The following ITSN2 variants were observed in gnomAD, a reference collection of about 807,000 sequenced individuals.
ITSN2 encodes intersectin 2, also known as intersectin-2.
In ITSN2, 156 loss-of-function variants were observed where a neutral mutation model predicts 243.7. The observed-to-expected ratio is 0.64, with a 90% CI of 0.56 to 0.73. The LOEUF is 0.73. Among genes scored for constraint, ITSN2 ranks in the 30% least tolerant of loss-of-function variants. ITSN2 has a pLI of 0.00. For synonymous variants in ITSN2, 703 were observed against 699.9 expected, an observed-to-expected ratio of 1.00 and a Z score of -0.07; for missense variants, 1,801 against 1,996.1, an observed-to-expected ratio of 0.90 and a Z score of 1.86.
At chr2:24,259,798 C>T (rs191189617) in intron 22 of ITSN2, among the ~76,000 whole-genome samples, 2 of 152,184 alleles carry the variant, frequency 1.3e-5, no homozygotes, top group Non-Finnish European at 2.9e-5. Context: ...GTAAGATGAT[C>T]TCTTCTATAT....
chr2:24,311,482 A>T (rs577292425), intron 5 of ITSN2: 5 of 166,600 alleles, frequency 3.0e-5, no homozygotes, highest in Non-Finnish European at 7.3e-5. Context: ...TCCTGGACTC[A>T]AGCAATCCTA....
chr2:24,340,024 A>T (rs1161951802), intron 1 of ITSN2, among the ~76,000 whole-genome samples: 1 of 152,120 alleles, frequency 6.6e-6, no homozygotes. Flanking sequence ...TAACAAAGTG[A>T]GACAGTGTCT....
intron 2 of ITSN2, among the ~76,000 whole-genome samples, chr2:24,322,791 C>T (rs567909921): frequency 6.6e-6 from 1 of 152,154 alleles, no homozygotes; most frequent in Admixed American, 6.5e-5. Context: ...AGACAAACTA[C>T]AGGCTGAGAG....
chr2:24,209,137 G>A lies in ITSN2; in HGVS notation c.4558C>T (p.Arg1520Trp), dbSNP rs370151156. The change falls in exon 36 of 40, where the codon CGG becomes TGG. Residue 1520 changes from arginine (R) to tryptophan (W), a missense_variant. Around this residue, in one of 5 missense-constraint regions of ITSN2, gnomAD observed 928 missense variants for 1,065.4 expected, o/e 0.87. Coordinates refer to ENST00000355123, the MANE Select transcript of ITSN2 (RefSeq NM_006277.3). ...EPVFHISHID[R>W]VYTLRTDNIN... ...TTGTCTGTTCGGAGGGTGTAGACCC[G>A]ATCAATGTGGGAAATGTGGAAGACA... is the stretch of plus-strand genomic sequence containing the variant. The A allele has an allele frequency of 6.6e-5, 107 of 1,613,914 alleles. No homozygotes were observed. The highest frequency in any genetic ancestry group is 8.0e-5 in the African/African-American group (6 of 74,902).
intron 20 of ITSN2, among the ~76,000 whole-genome samples, chr2:24,266,537 G>A (rs369318753): frequency 6.6e-6 from 1 of 152,150 alleles, no homozygotes. Flanking sequence ...TGATGTCACA[G>A]TAATGTAGCT....
In ITSN2 at chr2:24,257,930, G is replaced by T. The variant is rs1208215410; in HGVS notation, c.2846C>A (p.Ser949Tyr). The T allele has an allele frequency of 6.2e-7, 1 of 1,613,980 alleles. No homozygotes were observed. The highest frequency in any genetic ancestry group is 1.1e-5 in the South Asian group (1 of 91,068). The change falls in exon 23 of 40, where the codon TCT becomes TAT. Residue 949 changes from serine to tyrosine, a missense_variant. Transcript: ENST00000355123. ...ACTCCCAGGAATGATCTTGACATAA[G>T]ATTTGGGAAACCATCCTCTTCCTCC... ...VHGGRGWFPK[S>Y]YVKIIPGSEV...
intron 16 of ITSN2, among the ~76,000 whole-genome samples, chr2:24,285,150 C>T (rs966153045): frequency 6.6e-6 from 1 of 152,126 alleles, no homozygotes; most frequent in African/African-American, 2.4e-5. Flanking sequence ...CCGCCTCAGC[C>T]TCTCAAAGTG....
chr2:24,328,963 C>A (rs1021964559), intron 1 of ITSN2, among the ~76,000 whole-genome samples: 1 of 152,168 alleles, frequency 6.6e-6, no homozygotes. Context: ...AAATTCACAG[C>A]TCTGGGTTCA....
At chr2:24,348,696 A>C (rs771394383) in intron 1 of ITSN2, among the ~76,000 whole-genome samples, 1 of 152,208 alleles carries the variant, frequency 6.6e-6, no homozygotes. Flanking sequence ...GCCATACCCC[A>C]TAAGGGCCTG....
Position 24,252,473 on chromosome 2 carries a change from C to T in ITSN2, c.2992G>A (p.Gly998Arg). The T allele has an allele frequency of 6.2e-7, 1 of 1,612,572 alleles. No individual in the cohort carries two copies. Among genetic ancestry groups the T allele is most frequent in the Non-Finnish European group, 8.5e-7 (1 of 1,178,798 alleles). The change falls in exon 25 of 40, where the codon GGA becomes AGA. Residue 998 changes from glycine to arginine, a missense_variant. This residue lies in a region of ITSN2 where 928 missense variants were observed against 1,065.4 expected (regional missense o/e 0.87). Transcript: ENST00000355123. Reference sequence around the variant, plus strand: ...TCACCTTCTGTGAAAGTCAAATCTCCAGGTTCCACACTTGAATATGGATAA... The same window carrying T: ...TCACCTTCTGTGAAAGTCAAATCTCTAGGTTCCACACTTGAATATGGATAA... ...ALYPYSSVEPGDLTFTEGEEI... is the reference protein window; with the variant it reads ...ALYPYSSVEPRDLTFTEGEEI...
rs1189522111 is a variant in ITSN2 at position 24,270,736 on chromosome 2, C to T, written c.2290G>A (p.Ala764Thr). The change falls in exon 20 of 40, where the codon GCA becomes ACA. Residue 764 changes from alanine to threonine, a missense_variant. Ala to Thr is a moderately conservative substitution (Grantham distance 58, BLOSUM62 0). Around this residue, in one of 5 missense-constraint regions of ITSN2, gnomAD observed 787 missense variants for 803.9 expected, o/e 0.98. Coordinates refer to ENST00000355123, the MANE Select transcript of ITSN2 (RefSeq NM_006277.3). ...TTCCTTGCTTCAAAGGGGTATAATG[C>T]TCTATAATTCACCAAAACACTAGCT... Reference protein sequence around the residue: ...ETASVLVNYRALYPFEARNHD... With the variant: ...ETASVLVNYRTLYPFEARNHD... 6.3e-7 allele frequency: 1 copy of T among 1,598,702 alleles called. No individual in the cohort carries two copies. The highest frequency in any genetic ancestry group is 1.7e-5 in the Admixed American group (1 of 59,270).
At position 24,215,423 on chromosome 2, in the gene ITSN2, T is replaced by C. The variant is rs138572218; in HGVS notation, c.3990+626A>G. 1.9e-3 allele frequency among the ~76,000 whole-genome samples: 286 copies of C among 152,292 alleles called. 3 individuals carry two copies. The East Asian group carries it at 0.019, about 10-fold the overall frequency. ...GGCTTACACCTGTAATCCAAGCACTTTGGGAGGCCAAGGTGGGCCGATCAC... is the reference window on the plus strand; with the variant it reads ...GGCTTACACCTGTAATCCAAGCACTCTGGGAGGCCAAGGTGGGCCGATCAC... On this transcript the variant is annotated intron_variant, in intron 32 of 39. Coordinates refer to ENST00000355123, the MANE Select transcript of ITSN2 (RefSeq NM_006277.3).
At chr2:24,246,584 C>T (rs759071059) in intron 28 of ITSN2, among the ~76,000 whole-genome samples, 23 of 152,122 alleles carry the variant, frequency 1.5e-4, no homozygotes, top group Non-Finnish European at 2.8e-4. Flanking sequence ...TGAAAGATTT[C>T]AAAGAGTCGA....
chr2:24,290,443 A>C (rs1019251131), intron 15 of ITSN2, among the ~76,000 whole-genome samples: 4 of 151,962 alleles, frequency 2.6e-5, no homozygotes, highest in Non-Finnish European at 5.9e-5. Flanking sequence ...ATGTACTTCA[A>C]ATTTTTTAGT....
chr2:24,273,447 C>T (rs1399590806), intron 18 of ITSN2, among the ~76,000 whole-genome samples: 1 of 152,136 alleles, frequency 6.6e-6, no homozygotes, highest in Non-Finnish European at 1.5e-5. Context: ...ACCCAATTAG[C>T]TTTCATTTGA....
intron 1 of ITSN2, among the ~76,000 whole-genome samples, chr2:24,346,028 G>A (rs745701236): frequency 2.6e-5 from 4 of 152,138 alleles, no homozygotes; most frequent in Non-Finnish European, 4.4e-5. Flanking sequence ...CAAATTGTTT[G>A]CGCTACCCTT....
intron 1 of ITSN2, among the ~76,000 whole-genome samples, chr2:24,356,968 A>G (rs1688505366): frequency 6.6e-6 from 1 of 152,026 alleles, no homozygotes; most frequent in African/African-American, 2.4e-5. Flanking sequence ...TTAAAAAGTC[A>G]GGAAAACAAT....
chr2:24,356,029 A>G (rs190140446), intron 1 of ITSN2, among the ~76,000 whole-genome samples: 186 of 152,170 alleles, frequency 1.2e-3, no homozygotes, highest in African/African-American at 4.2e-3. Context: ...GTGAAACCCC[A>G]TCTCTACTAA....
intron 37 of ITSN2, among the ~76,000 whole-genome samples, chr2:24,207,139 G>C (rs1469196611): frequency 6.6e-6 from 1 of 152,172 alleles, no homozygotes; most frequent in Non-Finnish European, 1.5e-5. Context: ...ACTTCAGCAG[G>C]AAGAGGTATA....
Sources: allele counts gnomAD v4.1 joint callset (sites outside exome capture counted in the v4.1 genomes callset), GRCh38; gene constraint gnomAD v4.1.1; regional missense constraint gnomAD v4.1.1; transcripts MANE v1.5; gene names NCBI Gene and HGNC (gene_info 2026-07-23, HGNC 2026-07-21).